Variants in DGUOK observed in about 807,000 individuals in gnomAD.
The protein encoded by DGUOK is deoxyguanosine kinase, mitochondrial.
In DGUOK, 30 loss-of-function variants were observed where a neutral mutation model predicts 36.6. The ratio of observed to expected loss-of-function variants is 0.82; its 90% confidence interval spans 0.61 to 1.11. The LOEUF is 1.11. DGUOK is among the 50% of genes most tolerant of loss of function. The pLI, the probability that DGUOK is intolerant of heterozygous loss-of-function variation, is 0.00. For missense variants in DGUOK, 361 were observed against 336.4 expected (o/e 1.07, Z -0.57); for synonymous variants, 145 against 126.3 (o/e 1.15, Z -0.99).
chr2:73,935,882 T>C (rs1411185033), intron 1 of DGUOK, among the ~76,000 whole-genome samples: 1 of 152,252 alleles, frequency 6.6e-6, no homozygotes, highest in South Asian at 2.1e-4. Context: ...GTTGGCATTC[T>C]AGAATTAATG....
chr2:73,950,538 A>G (rs1682631671), intron 3 of DGUOK, 47 bp from the exon 4 acceptor site: 2 of 1,606,420 alleles, frequency 1.2e-6, no homozygotes, highest in Non-Finnish European at 8.5e-7. Context: ...CTTTCATTCC[A>G]TTTCCCATTC....
intron 2 of DGUOK, among the ~76,000 whole-genome samples, 193 bp from the exon 3 acceptor site, chr2:73,946,526 C>T (rs1268366969): frequency 6.6e-6 from 1 of 152,178 alleles, no homozygotes; most frequent in Non-Finnish European, 1.5e-5. Flanking sequence ...AGGAAAATCT[C>T]ATACCTGATT....
At chr2:73,930,672 TAA>T (rs1304953194) in intron 1 of DGUOK, among the ~76,000 whole-genome samples, 1 of 151,794 alleles carries the variant, frequency 6.6e-6, no homozygotes, top group African/African-American at 2.4e-5. Context: ...GAGTGAGGAC[TAA>T]GAGTCCACTC....
intron 4 of DGUOK, among the ~76,000 whole-genome samples, chr2:73,954,812 G>C (rs1314591395): frequency 6.6e-6 from 1 of 152,172 alleles, no homozygotes; most frequent in Admixed American, 6.5e-5. Context: ...GGTGGGACAG[G>C]TTAAGAAGAC....
At chr2:73,927,076 A>G in intron 1 of DGUOK, 24 bp downstream of exon 1, 46 of 1,604,954 alleles carry the variant, frequency 2.9e-5, no homozygotes, top group Non-Finnish European at 3.7e-5. Flanking sequence ...AGCGGCTGCC[A>G]AGCCTTGGCC....
At position 73,948,676 on chromosome 2, in the gene DGUOK, C is replaced by T. The variant is rs554714711; in HGVS notation, c.443+1770C>T. On this transcript the variant is annotated intron_variant, in intron 3 of 6. Transcript: ENST00000264093. ...GGTTATCTGGGAGAGTTGATTATAG[C>T]GAGGAAGAAATCTTAGTCTTTTCTG... Among the ~76,000 whole-genome samples the T allele has an allele frequency of 2.6e-5, 4 of 152,244 alleles. No homozygotes were observed. In the East Asian group the frequency reaches 7.7e-4, roughly 29 times the overall value.
chr2:73,955,428 C>T (rs1412655017), intron 4 of DGUOK, among the ~76,000 whole-genome samples: 2 of 152,158 alleles, frequency 1.3e-5, no homozygotes, highest in African/African-American at 2.4e-5. Flanking sequence ...AGTGCATATA[C>T]CTTTTGATCA....
At chr2:73,949,807 G>A (rs1682581809) in intron 3 of DGUOK, among the ~76,000 whole-genome samples, 2 of 152,280 alleles carry the variant, frequency 1.3e-5, no homozygotes, top group South Asian at 4.1e-4. Flanking sequence ...TTGACCCCTG[G>A]TTTGTCTGAA....
intron 1 of DGUOK, chr2:73,932,712 C>G (rs1681146287): frequency 1.7e-6 from 2 of 1,178,766 alleles, no homozygotes; most frequent in Admixed American, 2.7e-5. Context: ...TCTTGTATTC[C>G]TTCTGCTCTA....
chr2:73,956,979 G>GGTGGTCGACGTAT, intron 4 of DGUOK, 146 bp from the exon 5 acceptor site: 3 of 504,088 alleles, frequency 6.0e-6, no homozygotes, highest in South Asian at 3.1e-5. Flanking sequence ...TCCTCTGATT[G>GGTGGTCGACGTAT]CATAAGAAAA....
At chr2:73,942,013 G>C (rs1399773227) in intron 2 of DGUOK, among the ~76,000 whole-genome samples, 1 of 151,406 alleles carries the variant, frequency 6.6e-6, no homozygotes, top group African/African-American at 2.4e-5. Flanking sequence ...AGTTCAAGCA[G>C]TTCTCCCTGC....
rs565727174 is a variant in DGUOK, at chr2:73,957,456, C to T, written c.707+216C>T. 2.0e-5 allele frequency among the ~76,000 whole-genome samples: 3 copies of T among 152,214 alleles called. No homozygotes were observed. In the East Asian group the frequency reaches 5.8e-4, roughly 29 times the overall value. ...GCACTTTGGGAGGCTGAGGCAGTCA[C>T]CTGAGGTCAGGATTCAAGACCAGCC... On this transcript the variant is annotated intron_variant, in intron 5 of 6. Coordinates refer to ENST00000264093, the MANE Select transcript of DGUOK (RefSeq NM_080916.3).
At chr2:73,941,747 T>C (rs1681917551) in intron 2 of DGUOK, among the ~76,000 whole-genome samples, 1 of 152,154 alleles carries the variant, frequency 6.6e-6, no homozygotes. Context: ...TTTTTTAATA[T>C]AAAGCCATGT....
At chr2:73,948,327 G>A (rs1395080656) in intron 3 of DGUOK, among the ~76,000 whole-genome samples, 3 of 152,228 alleles carry the variant, frequency 2.0e-5, no homozygotes, top group Non-Finnish European at 2.9e-5. Flanking sequence ...TTGTTAATTA[G>A]AAATGCATTA....
chr2:73,954,408 G>T (rs1009871012), intron 4 of DGUOK, among the ~76,000 whole-genome samples: 1 of 151,948 alleles, frequency 6.6e-6, no homozygotes, highest in Non-Finnish European at 1.5e-5. Flanking sequence ...GGTGACTCAC[G>T]CCTGTAATCC....
At chr2:73,950,495 A>C in intron 3 of DGUOK, 90 bp from the exon 4 acceptor site, 1 of 1,406,914 alleles carries the variant, frequency 7.1e-7, no homozygotes, top group South Asian at 1.2e-5. Context: ...CAAGTTGGTT[A>C]TTGATTTTTC....
At chr2:73,941,064 C>G (rs1681866429) in intron 2 of DGUOK, among the ~76,000 whole-genome samples, 1 of 152,164 alleles carries the variant, frequency 6.6e-6, no homozygotes, top group Non-Finnish European at 1.5e-5. Context: ...ATAAGAAATA[C>G]CTTTCTAGGG....
chr2:73,927,129 G>A (rs1680657545), intron 1 of DGUOK, 77 bp downstream of exon 1: 3 of 1,587,434 alleles, frequency 1.9e-6, no homozygotes, highest in African/African-American at 1.3e-5. Flanking sequence ...AGCTGGGCCC[G>A]GAATGGCCTG....
chr2:73,931,948 G>C (rs1225218202), intron 1 of DGUOK, among the ~76,000 whole-genome samples: 2 of 152,158 alleles, frequency 1.3e-5, no homozygotes, highest in Admixed American at 6.5e-5. Context: ...GAGGAGTAGA[G>C]GAGGGTGACA....
Sources: allele counts gnomAD v4.1 joint callset (sites outside exome capture counted in the v4.1 genomes callset), GRCh38; gene constraint gnomAD v4.1.1; transcripts MANE v1.5; gene names NCBI Gene and HGNC (gene_info 2026-07-23, HGNC 2026-07-21).